SP1: variants seen among roughly 807,000 people sequenced by gnomAD.
SP1 encodes Sp1 transcription factor.
Under a neutral mutation model 66.3 loss-of-function variants are expected in SP1, and 6 were observed. The observed-to-expected ratio is 0.09, with a 90% CI of 0.05 to 0.18. SP1 has a LOEUF of 0.18. SP1 is among the 10% of genes least tolerant of loss of function. The probability of loss-of-function intolerance (pLI) is 1.00; values close to 1 mark genes in which losing one functional copy is unlikely to be tolerated. For synonymous variants in SP1, 417 were observed against 360.8 expected (o/e 1.16, Z -1.77); for missense variants, 848 against 964.5 (o/e 0.88, Z 1.60).
chr12:53,382,289 T>C lies in SP1; in HGVS notation c.342T>C (p.Ser114=). The C allele has an allele frequency of 6.2e-7, 1 of 1,614,166 alleles. No individual in the cohort carries two copies. The highest frequency in any genetic ancestry group is 2.2e-5 in the East Asian group (1 of 44,892). ...ANGWQIISSS[S]GATPTSKEQS... is the part of the protein sequence containing the mutation. ...GCTGGCAGATCATCTCTTCCTCCTC[T>C]GGGGCTACCCCTACCTCAAAGGAAC... Residue 114 remains serine (S), a synonymous_variant, in exon 3 of 6, where the codon TCT becomes TCC. Transcript: ENST00000327443.
chr12:53,380,613 G>A (rs1938064783), intron 1 of SP1: 2 of 1,013,698 alleles, frequency 2.0e-6, no homozygotes, highest in Non-Finnish European at 2.4e-6. Context: ...CCCGCCGGGG[G>A]CTGGAGCCGC....
intron 4 of SP1, 95 bp from the exon 5 acceptor site, chr12:53,409,267 T>G: frequency 3.1e-6 from 3 of 969,616 alleles, no homozygotes; most frequent in Non-Finnish European, 4.6e-6. Context: ...AAAGTTTGGG[T>G]TAGTTTGGTG....
At position 53,408,575 on chromosome 12, in the gene SP1, C is replaced by T. The variant is rs186921005; in HGVS notation, c.1845-787C>T. Reference sequence around the variant, plus strand: ...CCTCCAAAAGTGTTGGGATTACAGGCGTGAGCCATCACTCCCAGCCCCTAG... The same window carrying T: ...CCTCCAAAAGTGTTGGGATTACAGGTGTGAGCCATCACTCCCAGCCCCTAG... On this transcript the variant is annotated intron_variant, in intron 4 of 5. Coordinates refer to ENST00000327443, the MANE Select transcript of SP1 (RefSeq NM_138473.3). Among the ~76,000 whole-genome samples the T allele has an allele frequency of 4.9e-3, 737 of 150,656 alleles. 3 individuals are homozygous for T. Among genetic ancestry groups the T allele is most frequent in the Non-Finnish European group, 6.1e-3 (416 of 67,690 alleles).
chr12:53,380,442 G>T, intron 1 of SP1, 144 bp downstream of exon 1: 1 of 675,184 alleles, frequency 1.5e-6, no homozygotes, highest in Non-Finnish European at 2.1e-6. Context: ...GGGGCGGAGG[G>T]AAGGGAGGGA....
chr12:53,398,717 A>G (rs1204278515), intron 3 of SP1, among the ~76,000 whole-genome samples: 2 of 152,226 alleles, frequency 1.3e-5, no homozygotes, highest in African/African-American at 4.8e-5. Flanking sequence ...CAGTGTGGGT[A>G]ATGAGAAAAT....
chr12:53,392,621 TG>T (rs1938380856), intron 3 of SP1, among the ~76,000 whole-genome samples: 1 of 151,480 alleles, frequency 6.6e-6, no homozygotes, highest in Non-Finnish European at 1.5e-5. Context: ...CCTCCCAAAG[TG>T]CTGGGATTAC....
At chr12:53,386,479 C>CTT (rs372557385) in intron 3 of SP1, among the ~76,000 whole-genome samples, 18,367 of 120,136 alleles carry the variant, frequency 0.15, 1,479 homozygotes, top group African/African-American at 0.17. Context: ...TAGACTGTAT[C>CTT]TTTTTTTTTT....
chr12:53,415,199 G>A lies in SP1; in HGVS notation c.*3959G>A, dbSNP rs1001438372. On this transcript the variant is annotated 3_prime_UTR_variant, in exon 6 of 6. Transcript: ENST00000327443. ...AGCCGGTTATTACTTCTGTTTGGGA[G>A]ACTGTGCTCTCTGTGGTGCCTCTCT... 5 of 152,528 alleles carry A rather than the reference G, an allele frequency of 3.3e-5. No homozygotes were observed. In the East Asian group the frequency reaches 9.6e-4, roughly 29 times the overall value. The allele number at this position is 152,528 out of a possible 1,614,324, so 9.4% of individuals were successfully genotyped here.
chr12:53,402,976 A>G (rs1329669822), intron 3 of SP1, among the ~76,000 whole-genome samples: 1 of 151,720 alleles, frequency 6.6e-6, no homozygotes, highest in Admixed American at 6.6e-5. Context: ...CTCAGAAAAA[A>G]AAAAAAAATG....
In SP1 at chr12:53,413,025, A is replaced by T. The variant is rs980496806; in HGVS notation, c.*1785A>T. The T allele has an allele frequency of 1.2e-4, 18 of 151,708 alleles. No individual in the cohort carries two copies. Among genetic ancestry groups the T allele is most frequent in the Non-Finnish European group, 1.5e-4 (10 of 67,986 alleles). The allele number at this position is 151,708 out of a possible 1,614,324, so 9.4% of individuals were successfully genotyped here. On this transcript the variant is annotated 3_prime_UTR_variant, in exon 6 of 6. Transcript: ENST00000327443. ...GCCAATATTAAAAGAGACCTGCAAT[A>T]AAAAAATTACCCTGATCTGATAGAA... is the stretch of plus-strand genomic sequence containing the variant.
Position 53,412,368 on chromosome 12 carries a change from G to GA in SP1, c.*1129dup, listed in dbSNP as rs1938910122. 6.6e-6 allele frequency: 1 copy of GA among 152,626 alleles called. No individual in the cohort carries two copies. Among genetic ancestry groups the GA allele is most frequent in the Admixed American group, 6.5e-5 (1 of 15,270 alleles). The allele number at this position is 152,626 out of a possible 1,614,324, so 9.5% of individuals were successfully genotyped here. A position where few individuals can be genotyped will look rare whatever the true frequency, so the allele number is the denominator to read the frequency against. On this transcript the variant is annotated 3_prime_UTR_variant, in exon 6 of 6. Transcript: ENST00000327443. ...TCGTAGTCAGGTTCAGGAGTTAGTG[G>GA]AGTATTTGGACTTTGGTACTGCTGT...
At chr12:53,399,951 G>T (rs1222820384) in intron 3 of SP1, among the ~76,000 whole-genome samples, 1 of 152,096 alleles carries the variant, frequency 6.6e-6, no homozygotes, top group Non-Finnish European at 1.5e-5. Flanking sequence ...TTTTAGTAGA[G>T]ACGGGAATTT....
At chr12:53,408,885 G>A (rs1170010039) in intron 4 of SP1, among the ~76,000 whole-genome samples, 2 of 150,956 alleles carry the variant, frequency 1.3e-5, no homozygotes, top group Non-Finnish European at 2.9e-5. Flanking sequence ...CAGCCTGGGC[G>A]ACAGAGCGAG....
rs748125364 is a variant in SP1, at chr12:53,381,753, C to G, written c.102C>G (p.Ala34=). 3 of 1,613,964 alleles carry G rather than the reference C, an allele frequency of 1.9e-6. No individual in the cohort carries two copies. The highest frequency in any genetic ancestry group is 2.7e-5 in the African/African-American group (2 of 74,908). Residue 34 remains alanine, a synonymous_variant, in exon 2 of 6, where the codon GCC becomes GCG. Coordinates refer to ENST00000327443, the MANE Select transcript of SP1 (RefSeq NM_138473.3). ...NNGGNGNGGG[A]FSQARSSSTG... ...GGGGCAATGGTAATGGTGGTGGTGCCTTTTCACAGGCTCGAAGTAGCAGCA... is the reference window on the plus strand; with the variant it reads ...GGGGCAATGGTAATGGTGGTGGTGCGTTTTCACAGGCTCGAAGTAGCAGCA...
At chr12:53,397,014 C>G (rs1938506741) in intron 3 of SP1, among the ~76,000 whole-genome samples, 1 of 151,770 alleles carries the variant, frequency 6.6e-6, no homozygotes, top group African/African-American at 2.4e-5. Flanking sequence ...TTTCTAGACC[C>G]TGTTTTGTTT....
At position 53,406,691 on chromosome 12, in the gene SP1, A is replaced by C; in HGVS notation, c.1782A>C (p.Gln594His). ...AAAACAGCCCAGATGCCCAACCCCA[A>C]GCCGGTCGGAGGACCCGGCGGGAAG... ...EGENSPDAQP[Q>H]AGRRTRREAC... Residue 594 changes from glutamine (Q) to histidine (H), a missense_variant, in exon 4 of 6, where the codon CAA becomes CAC. Physicochemically the swap from Gln to His is conservative, Grantham distance 24. Transcript: ENST00000327443. The C allele has an allele frequency of 6.2e-7, 1 of 1,614,142 alleles. No individual in the cohort carries two copies. Among genetic ancestry groups the C allele is most frequent in the Non-Finnish European group, 8.5e-7 (1 of 1,180,018 alleles).
Position 53,414,691 on chromosome 12 carries a change from G to T in SP1, c.*3451G>T, listed in dbSNP as rs945504726. On this transcript the variant is annotated 3_prime_UTR_variant, in exon 6 of 6. Coordinates refer to ENST00000327443, the MANE Select transcript of SP1 (RefSeq NM_138473.3). The stretch of plus-strand genomic sequence containing the variant: ...GTGTTTGACTTTCAAAATATATTTT[G>T]TATTGTTAATATCTTCACATTGTGT... 2.0e-5 allele frequency: 3 copies of T among 152,498 alleles called. No individual in the cohort carries two copies. Among genetic ancestry groups the T allele is most frequent in the Non-Finnish European group, 4.4e-5 (3 of 68,018 alleles). The allele number at this position is 152,498 out of a possible 1,614,324, so 9.4% of individuals were successfully genotyped here. A position where few individuals can be genotyped will look rare whatever the true frequency, so the allele number is the denominator to read the frequency against.
intron 3 of SP1, among the ~76,000 whole-genome samples, chr12:53,389,664 A>T (rs190299584): frequency 6.6e-6 from 1 of 150,710 alleles, no homozygotes; most frequent in Non-Finnish European, 1.5e-5. Context: ...TTTTCCTTTC[A>T]TTTTGTAGTC....
chr12:53,411,438 G>A lies in SP1; in HGVS notation c.*198G>A. 2.0e-6 allele frequency: 1 copy of A among 494,806 alleles called. No homozygotes were observed. The highest frequency in any genetic ancestry group is 3.8e-5 in the Admixed American group (1 of 26,190). The allele number at this position is 494,806 out of a possible 1,614,324, so 30.7% of individuals were successfully genotyped here. On this transcript the variant is annotated 3_prime_UTR_variant, in exon 6 of 6. Transcript: ENST00000327443. ...GTATCATCAGTGCCTCTTTGAAGGT[G>A]GGAAACATTAGTGAAAATTCTGTTG... is the stretch of plus-strand genomic sequence containing the variant.
Sources: allele counts gnomAD v4.1 joint callset (sites outside exome capture counted in the v4.1 genomes callset), GRCh38; gene constraint gnomAD v4.1.1; transcripts MANE v1.5; gene names NCBI Gene and HGNC (gene_info 2026-07-23, HGNC 2026-07-21).